Variants in TCERG1L observed in about 807,000 individuals in gnomAD.
TCERG1L encodes the protein transcription elongation regulator 1-like protein.
Under a neutral mutation model 56.3 loss-of-function variants are expected in TCERG1L, and 37 were observed. The observed-to-expected ratio is 0.66, with a 90% CI of 0.51 to 0.87. The LOEUF is 0.87. TCERG1L is among the 40% of genes least tolerant of loss of function. TCERG1L has a pLI of 0.00. For synonymous variants in TCERG1L, 324 were observed against 326.3 expected (o/e 0.99, Z 0.08); for missense variants, 799 against 774.2 (o/e 1.03, Z -0.38).
intron 3 of TCERG1L, among the ~76,000 whole-genome samples, chr10:131,265,290 T>C (rs11812528): frequency 0.1 from 15,780 of 152,228 alleles, 1,079 homozygotes; most frequent in African/African-American, 0.19. Flanking sequence ...TCTGTCTCTT[T>C]AAGAAAAATA....
rs911012351 is a variant in TCERG1L at position 131,311,027 on chromosome 10, C to G, written c.342+267G>C. Reference sequence around the variant, plus strand: ...CGTGGCGCGAGTTCCCTGCGGTCCCCACGCGGGCCTGGGCGGCGGGTCCCT... The same window carrying G: ...CGTGGCGCGAGTTCCCTGCGGTCCCGACGCGGGCCTGGGCGGCGGGTCCCT... On this transcript the variant is annotated intron_variant, in intron 1 of 11. Coordinates refer to ENST00000368642, the MANE Select transcript of TCERG1L (RefSeq NM_174937.4). This position sits in a 1 kb window ranked among gnomAD's most constrained non-coding sequence, Gnocchi z 4.0. 2.0e-5 allele frequency among the ~76,000 whole-genome samples: 3 copies of G among 152,224 alleles called. No homozygotes were observed. Among genetic ancestry groups the G allele is most frequent in the Non-Finnish European group, 2.9e-5 (2 of 68,036 alleles).
chr10:131,116,175 C>A (rs1288111051), intron 9 of TCERG1L, among the ~76,000 whole-genome samples: 1 of 152,190 alleles, frequency 6.6e-6, no homozygotes, highest in Non-Finnish European at 1.5e-5. Context: ...GAAAGGAGAT[C>A]TGAATACAAA....
intron 3 of TCERG1L, among the ~76,000 whole-genome samples, chr10:131,292,500 T>C (rs533680337): frequency 3.3e-5 from 5 of 152,380 alleles, no homozygotes; most frequent in South Asian, 2.1e-4. Flanking sequence ...TTTGTCTGTA[T>C]AATTTTAGTT....
intron 4 of TCERG1L, among the ~76,000 whole-genome samples, chr10:131,170,610 A>G (rs1487523495): frequency 6.6e-6 from 1 of 152,146 alleles, no homozygotes; most frequent in African/African-American, 2.4e-5. Flanking sequence ...TCTGGAAGGA[A>G]GCAAAAAAGC....
intron 8 of TCERG1L, among the ~76,000 whole-genome samples, chr10:131,131,746 C>T (rs1341618789): frequency 6.6e-6 from 1 of 152,232 alleles, no homozygotes; most frequent in Non-Finnish European, 1.5e-5. Flanking sequence ...ATCATCATCA[C>T]AGCTTATTTG....
At chr10:131,117,668 G>C (rs1246578144) in intron 8 of TCERG1L, among the ~76,000 whole-genome samples, 5 of 152,164 alleles carry the variant, frequency 3.3e-5, no homozygotes, top group Non-Finnish European at 7.3e-5. Flanking sequence ...GACCATGCCG[G>C]GCTGGGCAGC....
At chr10:131,142,185 A>T (rs1376160863) in intron 7 of TCERG1L, among the ~76,000 whole-genome samples, 1 of 152,252 alleles carries the variant, frequency 6.6e-6, no homozygotes, top group East Asian at 1.9e-4. Context: ...TACGAAGGCC[A>T]GGATTTCTCC....
intron 3 of TCERG1L, among the ~76,000 whole-genome samples, chr10:131,292,473 T>C (rs1209368698): frequency 1.3e-5 from 2 of 152,248 alleles, no homozygotes; most frequent in Non-Finnish European, 2.9e-5. Context: ...TTTGTATAGC[T>C]ATCTTTATGA....
chr10:131,305,143 C>T (rs1007589688), intron 3 of TCERG1L, among the ~76,000 whole-genome samples: 3 of 152,080 alleles, frequency 2.0e-5, no homozygotes, highest in Admixed American at 6.5e-5. Flanking sequence ...AGAGAGCATG[C>T]GCCACTTGCA....
intron 6 of TCERG1L, 82 bp from the exon 7 acceptor site, chr10:131,146,742 A>C: frequency 6.8e-7 from 1 of 1,481,254 alleles, no homozygotes; most frequent in Admixed American, 2.1e-5. Context: ...TCACTGAAAA[A>C]GCCCCTCAGG....
At chr10:131,219,538 C>A (rs1346218160) in intron 4 of TCERG1L, among the ~76,000 whole-genome samples, 1 of 152,186 alleles carries the variant, frequency 6.6e-6, no homozygotes, top group Non-Finnish European at 1.5e-5. Flanking sequence ...GAGTGACCGT[C>A]CACAAAGGCC....
intron 4 of TCERG1L, among the ~76,000 whole-genome samples, chr10:131,182,722 A>T (rs1184889397): frequency 6.6e-6 from 1 of 152,018 alleles, no homozygotes; most frequent in African/African-American, 2.4e-5. Context: ...CTTTTTGCAG[A>T]CTAATCTATG....
chr10:131,296,973 T>C (rs1261363818), intron 3 of TCERG1L, among the ~76,000 whole-genome samples: 1 of 152,246 alleles, frequency 6.6e-6, no homozygotes, highest in Non-Finnish European at 1.5e-5. Context: ...TTATTCGTAT[T>C]AGTAGCTTTT....
chr10:131,107,371 C>T (rs1845362806), intron 9 of TCERG1L, among the ~76,000 whole-genome samples: 1 of 152,046 alleles, frequency 6.6e-6, no homozygotes, highest in Non-Finnish European at 1.5e-5. Context: ...GTTTTTGCCC[C>T]CGAAGGGATT....
At chr10:131,232,391 T>G (rs1845862426) in intron 4 of TCERG1L, among the ~76,000 whole-genome samples, 1 of 152,234 alleles carries the variant, frequency 6.6e-6, no homozygotes, top group Admixed American at 6.5e-5. Flanking sequence ...TCCAACAGGC[T>G]GCTTTTGTTT....
intron 4 of TCERG1L, among the ~76,000 whole-genome samples, chr10:131,190,040 G>T (rs918842446): frequency 1.3e-5 from 2 of 151,962 alleles, no homozygotes; most frequent in African/African-American, 4.8e-5. Flanking sequence ...GATTAACCAA[G>T]AAAAGAAGAG....
chr10:131,255,952 A>T (rs1846161158), intron 4 of TCERG1L, among the ~76,000 whole-genome samples: 1 of 152,222 alleles, frequency 6.6e-6, no homozygotes, highest in African/African-American at 2.4e-5. Context: ...AAACTATACA[A>T]AAGGGGTTTG....
chr10:131,249,711 C>T (rs1483217598), intron 4 of TCERG1L, among the ~76,000 whole-genome samples: 1 of 152,226 alleles, frequency 6.6e-6, no homozygotes, highest in Non-Finnish European at 1.5e-5. Flanking sequence ...CTCTCCCGCT[C>T]CTGGTTCTAC....
At chr10:131,168,543 G>A (rs1351746172) in intron 4 of TCERG1L, among the ~76,000 whole-genome samples, 1 of 152,204 alleles carries the variant, frequency 6.6e-6, no homozygotes, top group Non-Finnish European at 1.5e-5. Flanking sequence ...GCCCAGACGT[G>A]AGCCGGAGGC....
Sources: gnomAD v4.1 joint callset for allele counts (sites outside exome capture counted in the v4.1 genomes callset) on GRCh38, gnomAD v4.1.1 for gene constraint, Gnocchi (gnomAD v3.1) non-coding constraint, MANE v1.5 for transcripts, NCBI Gene and HGNC (gene_info 2026-07-23, HGNC 2026-07-21) for gene names.